Variants in POPDC3 observed in about 807,000 individuals in gnomAD.
POPDC3 encodes popeye domain cAMP effector 3, also known as popeye domain-containing protein 3.
POPDC3 carries 20 observed loss-of-function variants against 28.2 expected under a neutral mutation model. The ratio of observed to expected loss-of-function variants is 0.71; its 90% confidence interval spans 0.50 to 1.03. The LOEUF is 1.03. POPDC3 is among the 50% of genes least tolerant of loss of function. POPDC3 has a pLI of 0.00. For missense variants in POPDC3, 316 were observed against 345.9 expected, an observed-to-expected ratio of 0.91 and a Z score of 0.69; for synonymous variants, 118 against 124.1, an observed-to-expected ratio of 0.95 and a Z score of 0.33.
intron 1 of POPDC3, among the ~76,000 whole-genome samples, chr6:105,173,958 A>T (rs1421283237): frequency 6.6e-6 from 1 of 152,204 alleles, no homozygotes; most frequent in African/African-American, 2.4e-5. Context: ...TACAGAACTT[A>T]ACAAGGATAT....
Position 105,161,940 on chromosome 6 carries a change from T to C in POPDC3, c.-31A>G, listed in dbSNP as rs1221633743. ...TATTACTGCCTGCTTCACTTTTCAG[T>C]TGACTTTAGATGACACTGAAACAGG... On this transcript the variant is annotated 5_prime_UTR_variant, in exon 2 of 4. Transcript: ENST00000254765. 2.6e-6 allele frequency: 4 copies of C among 1,556,860 alleles called. No homozygotes were observed. The highest frequency in any genetic ancestry group is 2.0e-5 in the Admixed American group (1 of 51,004).
intron 1 of POPDC3, among the ~76,000 whole-genome samples, chr6:105,179,434 C>T (rs1435432687): frequency 3.3e-5 from 5 of 152,186 alleles, no homozygotes; most frequent in Admixed American, 3.3e-4. Flanking sequence ...CCTTGCAAAA[C>T]TGGCCTGTTT....
At chr6:105,165,523 C>T (rs1332052081) in intron 1 of POPDC3, among the ~76,000 whole-genome samples, 1 of 152,220 alleles carries the variant, frequency 6.6e-6, no homozygotes, top group African/African-American at 2.4e-5. Context: ...CTTCTCCCTT[C>T]TCACTCTCTA....
intron 1 of POPDC3, chr6:105,178,736 T>C (rs1451682889): frequency 3.0e-6 from 3 of 985,326 alleles, no homozygotes; most frequent in Non-Finnish European, 3.6e-6. Context: ...AGTTCTTGTT[T>C]GGTTTTCTAT....
rs1562149635 is a variant in POPDC3, at chr6:105,158,424, T to A, written c.*46A>T. The A allele has an allele frequency of 1.3e-6, 2 of 1,487,328 alleles. No homozygotes were observed. Among genetic ancestry groups the A allele is most frequent in the East Asian group, 2.3e-5 (1 of 43,996 alleles). 92.1% of individuals were successfully genotyped at this position (1,487,328 alleles called of 1,614,324 possible). ...ATTTTGCTATTTCACTGGGGAATGA[T>A]GAAGAGAGAGTCTTTTTTTATACTT... is the stretch of plus-strand genomic sequence containing the variant. On this transcript the variant is annotated 3_prime_UTR_variant, in exon 4 of 4. Transcript: ENST00000254765.
chr6:105,160,737 C>G (rs1774307346), intron 2 of POPDC3, among the ~76,000 whole-genome samples: 1 of 152,078 alleles, frequency 6.6e-6, no homozygotes, highest in African/African-American at 2.4e-5. Context: ...GGACTACTGG[C>G]ATGTGCCACC....
chr6:105,158,907 C>T (rs966729573), intron 3 of POPDC3, 156 bp from the exon 4 acceptor site: 3 of 566,788 alleles, frequency 5.3e-6, no homozygotes, highest in Non-Finnish European at 6.1e-6. Flanking sequence ...ATAGAAACTA[C>T]AAAATTCGTT....
chr6:105,159,899 G>A (rs1774283432), intron 2 of POPDC3, 80 bp from the exon 3 acceptor site: 1 of 898,714 alleles, frequency 1.1e-6, no homozygotes, highest in East Asian at 2.5e-5. Context: ...GGTAGAGGAA[G>A]TGTATTTCAG....
Position 105,158,611 on chromosome 6 carries a change from G to A in POPDC3, c.735C>T (p.Ala245=). ...IGSDIADKLY[A]LNDRVYIGKR... is the part of the protein sequence containing the mutation. ...TTCCTATATATACCCTGTCATTCAAGGCATAGAGTTTATCTGCAATGTCAC... is the reference window on the plus strand; with the variant it reads ...TTCCTATATATACCCTGTCATTCAAAGCATAGAGTTTATCTGCAATGTCAC... The change falls in exon 4 of 4, where the codon GCC becomes GCT. Residue 245 remains alanine, a synonymous_variant. Transcript: ENST00000254765. 1 of 1,614,106 alleles carries A rather than the reference G, an allele frequency of 6.2e-7. No individual in the cohort carries two copies. Among genetic ancestry groups the A allele is most frequent in the Non-Finnish European group, 8.5e-7 (1 of 1,180,010 alleles).
chr6:105,167,950 CAGAG>C (rs1406728783), intron 1 of POPDC3, among the ~76,000 whole-genome samples: 11 of 151,972 alleles, frequency 7.2e-5, no homozygotes, highest in Non-Finnish European at 1.2e-4. Context: ...TCTCAAGTAA[CAGAG>C]AGAAGAAATG....
intron 1 of POPDC3, among the ~76,000 whole-genome samples, chr6:105,176,163 A>C (rs1774679292): frequency 6.6e-6 from 1 of 152,168 alleles, no homozygotes; most frequent in Non-Finnish European, 1.5e-5. Flanking sequence ...TAAAAGAAAA[A>C]CTTTAGATAA....
intron 1 of POPDC3, among the ~76,000 whole-genome samples, chr6:105,163,262 T>A (rs536188050): frequency 1.3e-5 from 2 of 152,140 alleles, no homozygotes; most frequent in Non-Finnish European, 2.9e-5. Flanking sequence ...GTTACTTACA[T>A]ATTTATTTAT....
chr6:105,170,541 C>A (rs1019785350), intron 1 of POPDC3, among the ~76,000 whole-genome samples: 5 of 152,304 alleles, frequency 3.3e-5, no homozygotes, highest in South Asian at 2.1e-4. Context: ...ACATTTGGGT[C>A]AGGGGAGTCA....
Position 105,161,545 on chromosome 6 carries a change from G to C in POPDC3, c.365C>G (p.Ser122Cys). 1 of 1,614,202 alleles carries C rather than the reference G, an allele frequency of 6.2e-7. No homozygotes were observed. Among genetic ancestry groups the C allele is most frequent in the South Asian group, 1.1e-5 (1 of 91,080 alleles). ...AGCAATCGTTCTGAAGACAGGCAAA[G>C]AGATCCCCAGGGGCTGGAAAAGGGA... Reference protein sequence around the residue: ...YSSLFQPLGISLPVFRTIALS... With the variant: ...YSSLFQPLGICLPVFRTIALS... The change falls in exon 2 of 4, where the codon TCT becomes TGT. Residue 122 changes from serine (S) to cysteine (C), a missense_variant. Ser to Cys is a moderately radical substitution (Grantham distance 112, BLOSUM62 -1). Transcript: ENST00000254765.
chr6:105,174,326 A>G (rs1774641087), intron 1 of POPDC3, among the ~76,000 whole-genome samples: 2 of 152,230 alleles, frequency 1.3e-5, no homozygotes, highest in Non-Finnish European at 2.9e-5. Flanking sequence ...GGCGTGAGCC[A>G]CTGCGCCCAG....
chr6:105,169,584 C>T (rs904178909), intron 1 of POPDC3: 1 of 152,134 alleles, frequency 6.6e-6, no homozygotes, highest in Non-Finnish European at 1.5e-5. Flanking sequence ...CAGAGATTGA[C>T]CCTCAAAATA....
intron 1 of POPDC3, among the ~76,000 whole-genome samples, chr6:105,172,467 A>T (rs1396686161): frequency 1.3e-5 from 2 of 150,990 alleles, no homozygotes; most frequent in African/African-American, 2.4e-5. Context: ...CCATTGTGGA[A>T]GTCAGTGTGG....
chr6:105,161,093 A>G (rs1039775818), intron 2 of POPDC3, among the ~76,000 whole-genome samples: 3 of 152,240 alleles, frequency 2.0e-5, no homozygotes, highest in Non-Finnish European at 4.4e-5. Flanking sequence ...GCACGCCAAT[A>G]TAAGTATTCT....
At chr6:105,161,167 A>G (rs994854992) in intron 2 of POPDC3, among the ~76,000 whole-genome samples, 3 of 152,236 alleles carry the variant, frequency 2.0e-5, no homozygotes, top group African/African-American at 7.2e-5. Flanking sequence ...ATATCATATC[A>G]CATAAACAAA....
Sources: gnomAD v4.1 joint callset for allele counts (sites outside exome capture counted in the v4.1 genomes callset) on GRCh38, gnomAD v4.1.1 for gene constraint, MANE v1.5 for transcripts, NCBI Gene and HGNC (gene_info 2026-07-23, HGNC 2026-07-21) for gene names.